The following SYNPR variants were observed in gnomAD, a reference collection of about 807,000 sequenced individuals.
SYNPR encodes synaptoporin.
SYNPR carries 23 observed loss-of-function variants against 32.9 expected under a neutral mutation model. That is an observed-to-expected ratio of 0.70 (90% CI 0.50 to 0.99). The LOEUF is 0.99. SYNPR is among the 50% of genes least tolerant of loss of function. SYNPR has a pLI of 0.00. For missense variants in SYNPR, 318 were observed against 349.3 expected, an observed-to-expected ratio of 0.91 and a Z score of 0.71; for synonymous variants, 146 against 135.9, an observed-to-expected ratio of 1.07 and a Z score of -0.52.
In SYNPR at chr3:63,507,168, A is replaced by AAAGAAAAACAAAAAACAAAAAAC. The variant is rs1575681602; in HGVS notation, c.209+26220_209+26221insCAAAAAACAAAAAACAAGAAAAA. 3.3e-5 allele frequency among the ~76,000 whole-genome samples: 5 copies of AAAGAAAAACAAAAAACAAAAAAC among 152,164 alleles called. No homozygotes were observed. In the South Asian group the frequency reaches 1.0e-3, roughly 32 times the overall value. ...TCTCAAAAAATAAAAAAAAAAAAGA[A>AAAGAAAAACAAAAAACAAAAAAC]AAGAAAAAGAAATTGGGCTCTTTAC... On this transcript the variant is annotated intron_variant, in intron 3 of 5. Transcript: ENST00000478300.
intron 3 of SYNPR, among the ~76,000 whole-genome samples, chr3:63,548,600 G>A (rs1426431343): frequency 1.3e-5 from 2 of 152,120 alleles, no homozygotes; most frequent in African/African-American, 4.8e-5. Context: ...TTTCATATAG[G>A]GAAGAGAGGG....
chr3:63,262,103 A>G (rs1280054059), intron 2 of SYNPR, among the ~76,000 whole-genome samples: 1 of 66,838 alleles, frequency 1.5e-5, no homozygotes, highest in Non-Finnish European at 3.8e-5. Flanking sequence ...TTGTTTCTTA[A>G]GGACAAAAAA....
At chr3:63,293,282 C>A (rs537155108) in intron 2 of SYNPR, among the ~76,000 whole-genome samples, 2 of 152,204 alleles carry the variant, frequency 1.3e-5, no homozygotes, top group East Asian at 3.9e-4. Context: ...GTCTGCTTTG[C>A]TGCCAAATAT....
At chr3:63,294,943 C>T (rs973633262) in intron 2 of SYNPR, among the ~76,000 whole-genome samples, 1 of 152,054 alleles carries the variant, frequency 6.6e-6, no homozygotes, top group African/African-American at 2.4e-5. Context: ...GGATTTGAGG[C>T]ACTTGAAATT....
chr3:63,583,967 G>A lies in SYNPR; in HGVS notation c.409-25158G>A, dbSNP rs116256523. ...CACTTGCCCTGGGTTGGAAAAGACT[G>A]GTAGAGCAGGCTTACAGAGGAGGAG... On this transcript the variant is annotated intron_variant, in intron 4 of 5. Coordinates refer to ENST00000478300, the MANE Select transcript of SYNPR (RefSeq NM_001130003.2). Among the ~76,000 whole-genome samples the A allele has an allele frequency of 8.2e-3, 1,245 of 152,166 alleles. 12 individuals carry two copies. Among genetic ancestry groups the A allele is most frequent in the African/African-American group, 0.029 (1,194 of 41,534 alleles).
intron 4 of SYNPR, 39 bp from the exon 5 acceptor site, chr3:63,609,086 T>G: frequency 6.5e-7 from 1 of 1,546,964 alleles, no homozygotes; most frequent in Non-Finnish European, 8.7e-7. Context: ...AGAACTCACA[T>G]TTTCTTTTAC....
chr3:63,314,036 CAT>C lies in SYNPR; in HGVS notation c.84+35307_84+35308del, dbSNP rs370649733. Among the ~76,000 whole-genome samples the C allele has an allele frequency of 2.3e-3, 13 of 5,772 alleles. 3 individuals carry two copies. Among genetic ancestry groups the C allele is most frequent in the Admixed American group, 4.5e-3 (2 of 444 alleles). 3.8% of individuals were successfully genotyped at this position (5,772 alleles called of 152,430 possible). On this transcript the variant is annotated intron_variant, in intron 2 of 5. Transcript: ENST00000478300. ...ATATATATCCATATATATATATATCCATATATATATATATCCATATATATATA... is the reference window on the plus strand; with the variant it reads ...ATATATATCCATATATATATATATCCATATATATATATCCATATATATATA...
intron 2 of SYNPR, among the ~76,000 whole-genome samples, chr3:63,383,014 T>G (rs1379186478): frequency 6.6e-6 from 1 of 152,228 alleles, no homozygotes; most frequent in African/African-American, 2.4e-5. Context: ...GGTTTAATTC[T>G]TTACAAGATT....
chr3:63,218,744 G>C, the SYNPR span, among the ~76,000 whole-genome samples: 10,328 of 152,216 alleles, frequency 0.068, 414 homozygotes, highest in South Asian at 0.089. Context: ...CAAAGGGCCA[G>C]AGAGAATGCC....
At chr3:63,578,032 C>G (rs530238975) in intron 4 of SYNPR, among the ~76,000 whole-genome samples, 126 of 152,248 alleles carry the variant, frequency 8.3e-4, no homozygotes, top group African/African-American at 2.9e-3. Context: ...CAGACACAAA[C>G]TAAGTGCTTC....
chr3:63,415,209 G>A (rs1237852346), intron 2 of SYNPR, among the ~76,000 whole-genome samples: 1 of 152,146 alleles, frequency 6.6e-6, no homozygotes, highest in Non-Finnish European at 1.5e-5. Flanking sequence ...AAAATGGTGT[G>A]CTCCTATACA....
chr3:63,490,638 T>A (rs1050245876), intron 3 of SYNPR, among the ~76,000 whole-genome samples: 3 of 152,124 alleles, frequency 2.0e-5, no homozygotes, highest in African/African-American at 7.2e-5. Context: ...AGTTTTTCCA[T>A]CACTTTTCTC....
chr3:63,343,650 TC>T (rs1433857739), intron 2 of SYNPR, among the ~76,000 whole-genome samples: 1 of 152,204 alleles, frequency 6.6e-6, no homozygotes, highest in Non-Finnish European at 1.5e-5. Flanking sequence ...TCAAAAACCA[TC>T]TCTGCTCTAT....
chr3:63,548,509 C>G (rs763020530), intron 3 of SYNPR, among the ~76,000 whole-genome samples: 1 of 152,054 alleles, frequency 6.6e-6, no homozygotes, highest in Non-Finnish European at 1.5e-5. Flanking sequence ...TAAATGCACA[C>G]ACAAACACAC....
At chr3:63,268,961 A>G (rs907828639) in intron 3 of SYNPR, among the ~76,000 whole-genome samples, 6 of 152,224 alleles carry the variant, frequency 3.9e-5, no homozygotes, top group Admixed American at 1.3e-4. Flanking sequence ...AATATTTGTG[A>G]AGAGACTTTT....
intron 2 of SYNPR, among the ~76,000 whole-genome samples, chr3:63,266,997 G>GTC (rs2086495519): frequency 6.6e-6 from 1 of 152,182 alleles, no homozygotes; most frequent in East Asian, 1.9e-4. Context: ...ATTTTGTGGA[G>GTC]ATAGGCCTTA....
At chr3:63,335,766 CTTTTTTTTTT>C (rs3082128) in intron 2 of SYNPR, among the ~76,000 whole-genome samples, 3 of 91,472 alleles carry the variant, frequency 3.3e-5, no homozygotes, top group African/African-American at 4.9e-5. Flanking sequence ...TATTAGCTTC[CTTTTTTTTTT>C]TTTTTTTTTT....
intron 2 of SYNPR, among the ~76,000 whole-genome samples, chr3:63,433,185 C>T (rs985502815): frequency 3.3e-5 from 5 of 152,148 alleles, no homozygotes; most frequent in Admixed American, 6.5e-5. Flanking sequence ...GAACAAGTGG[C>T]GCTACAGCCC....
At chr3:63,264,909 G>A (rs1301774393) in intron 2 of SYNPR, among the ~76,000 whole-genome samples, 2 of 97,376 alleles carry the variant, frequency 2.1e-5, no homozygotes, top group Non-Finnish European at 4.6e-5. Context: ...GGGGGAAACA[G>A]CTGATTCTCA....
Sources: allele counts gnomAD v4.1 joint callset (sites outside exome capture counted in the v4.1 genomes callset), GRCh38; gene constraint gnomAD v4.1.1; transcripts MANE v1.5; gene names NCBI Gene and HGNC (gene_info 2026-07-23, HGNC 2026-07-21).